The following ACOT11 variants were observed in gnomAD, a reference collection of about 807,000 sequenced individuals.
The protein encoded by ACOT11 is acyl-coenzyme A thioesterase 11.
A neutral mutation model predicts 77.5 loss-of-function variants in ACOT11; 69 were observed. The ratio of observed to expected loss-of-function variants is 0.89; its 90% CI spans 0.73 to 1.09. The LOEUF (loss-of-function observed/expected upper bound fraction) is 1.09, where lower values mean the gene tolerates loss of function less well. Ranked by LOEUF, ACOT11 falls within the 50% of genes least tolerant of loss-of-function variation. ACOT11 has a pLI of 0.00. For synonymous variants in ACOT11, 279 were observed against 313.0 expected, an observed-to-expected ratio of 0.89 and a Z score of 1.15; for missense variants, 766 against 813.7, an observed-to-expected ratio of 0.94 and a Z score of 0.71.
chr1:54,552,036 G>T (rs898393678), intron 1 of ACOT11, among the ~76,000 whole-genome samples: 4 of 152,180 alleles, frequency 2.6e-5, no homozygotes, highest in Non-Finnish European at 5.9e-5. Flanking sequence ...AGAGTGTGGG[G>T]AGGTTCAGGC....
chr1:54,581,162 G>C (rs916850763), intron 1 of ACOT11, among the ~76,000 whole-genome samples: 2 of 152,344 alleles, frequency 1.3e-5, no homozygotes, highest in Non-Finnish European at 2.9e-5. Context: ...CCGAAAGGAA[G>C]GTAGTTGTTG....
chr1:54,612,762 T>C, downstream of ACOT11: 1 of 1,405,764 alleles, frequency 7.1e-7, no homozygotes, highest in Non-Finnish European at 1.0e-6. Flanking sequence ...GGCCCCTTCC[T>C]CTCCTCTGGG....
At chr1:54,602,376 T>C (rs922103983) in intron 9 of ACOT11, among the ~76,000 whole-genome samples, 8 of 152,130 alleles carry the variant, frequency 5.3e-5, no homozygotes, top group African/African-American at 1.9e-4. Flanking sequence ...GCTCAGTAAA[T>C]GTGGACTCTC....
At chr1:54,599,436 C>A in intron 8 of ACOT11, 21 bp downstream of exon 8, 1 of 1,586,214 alleles carries the variant, frequency 6.3e-7, no homozygotes, top group Non-Finnish European at 8.6e-7. Context: ...GGGATGGGTG[C>A]GGCCACGTCC....
intron 6 of ACOT11, among the ~76,000 whole-genome samples, chr1:54,595,888 G>A (rs1340961476): frequency 6.6e-6 from 1 of 152,198 alleles, no homozygotes; most frequent in Non-Finnish European, 1.5e-5. Context: ...CCCCGGAGTG[G>A]GGAGAGAGCA....
Position 54,584,982 on chromosome 1 carries a change from C to T in ACOT11, c.241+120C>T. The T allele has an allele frequency of 9.1e-7, 1 of 1,101,684 alleles. No homozygotes were observed. The highest frequency in any genetic ancestry group is 2.6e-5 in the East Asian group (1 of 38,368). The allele number at this position is 1,101,684 out of a possible 1,614,324, so 68.2% of individuals were successfully genotyped here. A position where few individuals can be genotyped will look rare whatever the true frequency, so the allele number is the denominator to read the frequency against. ...CACTTGTTTCTCATCTTGGCCTTTG[C>T]TCATGCTGGTCCCTTTGTCTGAAAT... On this transcript the variant is annotated intron_variant, in intron 2 of 15. Coordinates refer to ENST00000343744, the MANE Select transcript of ACOT11 (RefSeq NM_147161.4). The surrounding 1 kb of genome is among the most constrained non-coding windows in gnomAD (Gnocchi z 6.3).
intron 1 of ACOT11, among the ~76,000 whole-genome samples, chr1:54,573,450 A>C (rs1166286246): frequency 1.3e-5 from 2 of 152,246 alleles, no homozygotes; most frequent in East Asian, 3.8e-4. Flanking sequence ...TATTCAGTAC[A>C]GGCTGGGCAC....
chr1:54,602,697 G>C lies in ACOT11; in HGVS notation c.1058G>C (p.Ser353Thr), dbSNP rs1451221280. ...GDGERRYREA[S>T]ARKKIRLDRK... ...GGTGAGCGGCGGTACCGAGAGGCCAGTGCCAGAAAGAAGATCCGCCTGGAC... is the reference window on the plus strand; with the variant it reads ...GGTGAGCGGCGGTACCGAGAGGCCACTGCCAGAAAGAAGATCCGCCTGGAC... Residue 353 changes from serine (S) to threonine (T), a missense_variant, in exon 10 of 16, where the codon AGT becomes ACT. Physicochemically the swap from Ser to Thr is moderately conservative, Grantham distance 58. Coordinates refer to ENST00000343744, the MANE Select transcript of ACOT11 (RefSeq NM_147161.4). The C allele has an allele frequency of 2.6e-6, 4 of 1,557,768 alleles. No individual in the cohort carries two copies. The highest frequency in any genetic ancestry group is 3.5e-6 in the Non-Finnish European group (4 of 1,153,060).
At position 54,636,849 on chromosome 1, in the gene ACOT11, G is replaced by A. The variant is rs568019531; in HGVS notation, c.*2120G>A. On this transcript the variant is annotated 3_prime_UTR_variant, in exon 17 of 17. Transcript: ENST00000371316. ...GAGTGGTTTGAGATTAGGGAGTGGT[G>A]ATGACTCTTAAGGAGCATGCTGCCT... 808 of 156,660 alleles carry A rather than the reference G, an allele frequency of 5.2e-3. 9 individuals carry two copies. Among genetic ancestry groups the A allele is most frequent in the African/African-American group, 0.019 (772 of 41,602 alleles). 9.7% of individuals were successfully genotyped at this position (156,660 alleles called of 1,614,324 possible). A position where few individuals can be genotyped will look rare whatever the true frequency, so the allele number is the denominator to read the frequency against.
exon 17 of ACOT11, chr1:54,636,666 TGGGTGTC>T (rs1379312336): frequency 6.6e-6 from 1 of 150,660 alleles, no homozygotes; most frequent in Non-Finnish European, 1.5e-5. Context: ...AGACCCTTTA[TGGGTGTC>T]GGGCTGGGGG....
At chr1:54,562,389 A>G (rs750015962) in intron 1 of ACOT11, among the ~76,000 whole-genome samples, 10,774 of 34,536 alleles carry the variant, frequency 0.31, 1,168 homozygotes, top group African/African-American at 0.35. Context: ...CAGTAGGGGC[A>G]GCCGGGCAGA....
chr1:54,606,860 G>A (rs371681528), intron 13 of ACOT11, among the ~76,000 whole-genome samples: 2 of 152,246 alleles, frequency 1.3e-5, no homozygotes, highest in African/African-American at 4.8e-5. Context: ...CCACATGTGT[G>A]CATGTATGTG....
In ACOT11 at chr1:54,576,092, A is replaced by G. The variant is rs112229140; in HGVS notation, c.34-8563A>G. Among the ~76,000 whole-genome samples, 398 of 152,206 alleles carry G rather than the reference A, an allele frequency of 2.6e-3. 1 individual carries two copies. The highest frequency in any genetic ancestry group is 9.2e-3 in the African/African-American group (381 of 41,548). ...TTCTCAGACTGGGGTTTTTAAGGGA[A>G]TTTGAAGGAGCTGGGGGTTGCTGAT... is the stretch of plus-strand genomic sequence containing the variant. On this transcript the variant is annotated intron_variant, in intron 1 of 15. Coordinates refer to ENST00000343744, the MANE Select transcript of ACOT11 (RefSeq NM_147161.4).
At chr1:54,599,575 T>A in intron 8 of ACOT11, 160 bp downstream of exon 8, 2 of 890,394 alleles carry the variant, frequency 2.2e-6, no homozygotes, top group Non-Finnish European at 3.0e-6. Flanking sequence ...TCAGCTCTGA[T>A]TTTCCCTTCT....
intron 9 of ACOT11, 45 bp from the exon 10 acceptor site, chr1:54,602,624 C>T (rs781656689): frequency 4.5e-5 from 66 of 1,461,062 alleles, no homozygotes; most frequent in Admixed American, 1.1e-4. Context: ...GGGGGCAGGA[C>T]GGAGGGTGGG....
Position 54,607,934 on chromosome 1 carries a change from T to C in ACOT11, c.1503-8T>C, listed in dbSNP as rs1644048922. 11 of 1,613,536 alleles carry C rather than the reference T, an allele frequency of 6.8e-6. No individual in the cohort carries two copies. Among genetic ancestry groups the C allele is most frequent in the African/African-American group, 1.3e-5 (1 of 74,876 alleles). On this transcript the variant is annotated splice_polypyrimidine_tract_variant and splice_region_variant and intron_variant, in intron 14 of 15. Transcript: ENST00000343744. This position sits in a 1 kb window ranked among gnomAD's most constrained non-coding sequence, Gnocchi z 4.5. ...CCCCTGTCCCCTTGCTACCCTTCCTTCACTCAGGGACCCCTATGTCATCGC... is the reference window on the plus strand; with the variant it reads ...CCCCTGTCCCCTTGCTACCCTTCCTCCACTCAGGGACCCCTATGTCATCGC...
chr1:54,594,047 G>A lies in ACOT11; in HGVS notation c.471+8G>A. On this transcript the variant is annotated splice_region_variant and intron_variant, in intron 5 of 15. Transcript: ENST00000343744. ...CGCCGAGAGATCACCAAGGTAACTGGGTGCGCCTGGCTGCTGGAACGCTGC... is the reference window on the plus strand; with the variant it reads ...CGCCGAGAGATCACCAAGGTAACTGAGTGCGCCTGGCTGCTGGAACGCTGC... The A allele has an allele frequency of 6.2e-7, 1 of 1,612,542 alleles. No individual in the cohort carries two copies.
At chr1:54,567,018 T>C (rs1246451221) in intron 1 of ACOT11, among the ~76,000 whole-genome samples, 1 of 152,148 alleles carries the variant, frequency 6.6e-6, no homozygotes, top group East Asian at 1.9e-4. Context: ...GTGGCCTTCT[T>C]TCATTTACCA....
At chr1:54,619,445 G>A (rs896401098) in intron 15 of ACOT11, among the ~76,000 whole-genome samples, 4 of 152,166 alleles carry the variant, frequency 2.6e-5, no homozygotes, top group Non-Finnish European at 5.9e-5. Context: ...TGTTACCCAT[G>A]AAACAGATTG....
Sources: gnomAD v4.1 joint callset for allele counts (sites outside exome capture counted in the v4.1 genomes callset) on GRCh38, gnomAD v4.1.1 for gene constraint, Gnocchi (gnomAD v3.1) non-coding constraint, MANE v1.5 for transcripts, NCBI Gene and HGNC (gene_info 2026-07-23, HGNC 2026-07-21) for gene names.